The following RNF20 variants were observed in gnomAD, a reference collection of about 807,000 sequenced individuals.
RNF20 encodes the protein E3 ubiquitin-protein ligase BRE1A.
A neutral mutation model predicts 126.2 loss-of-function variants in RNF20; 84 were observed. The ratio of observed to expected loss-of-function variants is 0.67; its 90% confidence interval spans 0.56 to 0.80. The LOEUF (loss-of-function observed/expected upper bound fraction) is 0.80. RNF20 is among the 30% of genes least tolerant of loss of function. The pLI is 0.00. For synonymous variants in RNF20, 400 were observed against 414.3 expected (o/e 0.97, Z 0.42); for missense variants, 869 against 1,188.2 (o/e 0.73, Z 3.95).
intron 16 of RNF20, chr9:101,560,569 A>G (rs1398234845): frequency 6.1e-6 from 2 of 329,134 alleles, no homozygotes; most frequent in Non-Finnish European, 1.1e-5. Context: ...TTGGAAAAGA[A>G]TCTTTTCAGT....
rs1827182645 is a variant in RNF20 at position 101,536,252 on chromosome 9, T to C, written c.129+700T>C. Among the ~76,000 whole-genome samples the C allele has an allele frequency of 2.0e-5, 3 of 152,232 alleles. No homozygotes were observed. In the South Asian group the frequency reaches 6.2e-4, roughly 31 times the overall value. On this transcript the variant is annotated intron_variant, in intron 2 of 19. Coordinates refer to ENST00000389120, the MANE Select transcript of RNF20 (RefSeq NM_019592.7). ...TCTCATAGTAATGTTATATATCTGT[T>C]AGACATCAGAAGTTTACAGGTTTTG... is the stretch of plus-strand genomic sequence containing the variant.
chr9:101,554,130 C>A, intron 14 of RNF20, 25 bp downstream of exon 14: 1 of 1,272,114 alleles, frequency 7.9e-7, no homozygotes, highest in South Asian at 1.2e-5. Flanking sequence ...TATTACCTGT[C>A]CTTCTGGTTA....
At chr9:101,539,416 G>C (rs994000489) in intron 2 of RNF20, among the ~76,000 whole-genome samples, 4 of 152,294 alleles carry the variant, frequency 2.6e-5, no homozygotes, top group Non-Finnish European at 4.4e-5. Context: ...AACCAAGGAG[G>C]CTGTTAGGCA....
chr9:101,552,761 C>A lies in RNF20; in HGVS notation c.1901+8C>A. On this transcript the variant is annotated splice_region_variant and intron_variant, in intron 13 of 19. Transcript: ENST00000389120. ...ATTGAAGATTGAACTCAAGTAAGAA[C>A]CACATTTAGAGTAACAGTTTCGACT... is the stretch of plus-strand genomic sequence containing the variant. The A allele has an allele frequency of 1.3e-6, 2 of 1,597,306 alleles. No homozygotes were observed. Among genetic ancestry groups the A allele is most frequent in the African/African-American group, 2.7e-5 (2 of 74,182 alleles).
intron 1 of RNF20, among the ~76,000 whole-genome samples, chr9:101,535,046 T>C (rs966463075): frequency 1.3e-4 from 19 of 151,886 alleles, no homozygotes; most frequent in Admixed American, 7.9e-4. Flanking sequence ...TAGCTGGGAC[T>C]ACCGGCGCCC....
intron 15 of RNF20, among the ~76,000 whole-genome samples, chr9:101,556,521 C>T (rs1374410032): frequency 6.6e-6 from 1 of 152,120 alleles, no homozygotes; most frequent in East Asian, 1.9e-4. Context: ...TACTTGAATA[C>T]ACTAGGATGA....
At chr9:101,535,686 A>G in intron 2 of RNF20, 134 bp downstream of exon 2, 1 of 896,846 alleles carries the variant, frequency 1.1e-6, no homozygotes, top group Non-Finnish European at 1.7e-6. Flanking sequence ...GGCTGAAAGT[A>G]GGTAAAATGA....
chr9:101,534,611 GTTAT>G (rs1383174270), intron 1 of RNF20, among the ~76,000 whole-genome samples: 6 of 152,124 alleles, frequency 3.9e-5, no homozygotes, highest in African/African-American at 1.4e-4. Flanking sequence ...ATATACTGTG[GTTAT>G]TTATTCCTGG....
At chr9:101,558,531 A>G (rs1009480532) in intron 16 of RNF20, among the ~76,000 whole-genome samples, 4 of 152,118 alleles carry the variant, frequency 2.6e-5, no homozygotes, top group Non-Finnish European at 5.9e-5. Context: ...CAACAGTGTA[A>G]AAGTGTTCCC....
At chr9:101,544,615 A>C in intron 5 of RNF20, 152 bp from the exon 6 acceptor site, 1 of 539,510 alleles carries the variant, frequency 1.9e-6, no homozygotes, top group Non-Finnish European at 3.3e-6. Context: ...CTGAGGCAGG[A>C]GAATCGGCTC....
intron 2 of RNF20, among the ~76,000 whole-genome samples, chr9:101,536,510 G>C (rs932326545): frequency 6.6e-6 from 1 of 152,028 alleles, no homozygotes; most frequent in Non-Finnish European, 1.5e-5. Context: ...GGCTGCCTGA[G>C]GTTCTGGTAC....
chr9:101,554,860 T>C lies in RNF20; in HGVS notation c.2169+17T>C. 1 of 1,390,370 alleles carries C rather than the reference T, an allele frequency of 7.2e-7. No individual in the cohort carries two copies. The highest frequency in any genetic ancestry group is 9.4e-7 in the Non-Finnish European group (1 of 1,060,726). 86.1% of individuals were successfully genotyped at this position (1,390,370 alleles called of 1,614,324 possible). A position where few individuals can be genotyped will look rare whatever the true frequency, so the allele number is the denominator to read the frequency against. ...GCCAAGCAGGTGGACTCACTTTCTT[T>C]ATTTAATTGACTTTTTGAGTAAATG... On this transcript the variant is annotated intron_variant, in intron 15 of 19. Coordinates refer to ENST00000389120, the MANE Select transcript of RNF20 (RefSeq NM_019592.7).
At chr9:101,539,916 C>G (rs1827233333) in intron 2 of RNF20, among the ~76,000 whole-genome samples, 1 of 151,570 alleles carries the variant, frequency 6.6e-6, no homozygotes, top group African/African-American at 2.4e-5. Context: ...GGTGATCTAG[C>G]TGGATGGTGG....
At chr9:101,547,114 A>G in intron 7 of RNF20, 23 bp from the exon 8 acceptor site, 1 of 1,612,002 alleles carries the variant, frequency 6.2e-7, no homozygotes, top group Non-Finnish European at 8.5e-7. Context: ...TCTCTCACTA[A>G]AGAATCTTTG....
intron 16 of RNF20, 49 bp from the exon 17 acceptor site, chr9:101,560,752 C>CT: frequency 6.5e-7 from 1 of 1,537,724 alleles, no homozygotes; most frequent in Admixed American, 2.2e-5. Flanking sequence ...AGTTTTTTTT[C>CT]TTTTTTTAAT....
intron 5 of RNF20, among the ~76,000 whole-genome samples, chr9:101,544,422 TAGGCC>T (rs2118691260): frequency 6.6e-6 from 1 of 152,272 alleles, no homozygotes; most frequent in East Asian, 1.9e-4. Flanking sequence ...TTTGACACTA[TAGGCC>T]AGGCACGGTG....
chr9:101,541,062 T>G, intron 5 of RNF20, 87 bp downstream of exon 5: 2 of 884,822 alleles, frequency 2.3e-6, no homozygotes, highest in Non-Finnish European at 3.2e-6. Context: ...CAAGCTTACA[T>G]ATTTATTTTT....
rs567126384 is a variant in RNF20 at position 101,540,882 on chromosome 9, G to C, written c.535G>C (p.Glu179Gln). 1 of 1,613,926 alleles carries C rather than the reference G, an allele frequency of 6.2e-7. No homozygotes were observed. Among genetic ancestry groups the C allele is most frequent in the South Asian group, 1.1e-5 (1 of 91,068 alleles). The stretch of plus-strand genomic sequence containing the variant: ...GGAGTCTCAGCTGCAGGAACGTGTG[G>C]AGTCTTCCCGCCGAGCCGTGTCCCA... ...EMESQLQERV[E>Q]SSRRAVSQIV... is the part of the protein sequence containing the mutation. Residue 179 changes from glutamate (E) to glutamine (Q), a missense_variant, in exon 5 of 20, where the codon GAG becomes CAG. Transcript: ENST00000389120.
At chr9:101,547,362 ATACTTATT>A (rs754177094) in intron 8 of RNF20, 29 bp from the exon 9 acceptor site, 1 of 1,612,364 alleles carries the variant, frequency 6.2e-7, no homozygotes, top group Non-Finnish European at 8.5e-7. Context: ...TTTAAGAAGA[ATACTTATT>A]TATTCTCTAT....
Sources: gnomAD v4.1 joint callset for allele counts (sites outside exome capture counted in the v4.1 genomes callset) on GRCh38, gnomAD v4.1.1 for gene constraint, MANE v1.5 for transcripts, NCBI Gene and HGNC (gene_info 2026-07-23, HGNC 2026-07-21) for gene names.